Variants in NBAS observed in about 807,000 individuals in gnomAD.
The protein encoded by NBAS is NBAS subunit of NRZ tethering complex.
NBAS carries 219 observed loss-of-function variants against 302.5 expected under a neutral mutation model. The ratio of observed to expected loss-of-function variants is 0.72; its 90% confidence interval spans 0.65 to 0.81. The LOEUF (loss-of-function observed/expected upper bound fraction) is 0.81. NBAS is among the 30% of genes least tolerant of loss of function. The pLI, the probability that NBAS is intolerant of heterozygous loss-of-function variation, is 0.00. For synonymous variants in NBAS, 1,118 were observed against 1,021.6 expected (o/e 1.09, Z -1.80); for missense variants, 2,932 against 2,841.6 (o/e 1.03, Z -0.72).
intron 35 of NBAS, among the ~76,000 whole-genome samples, chr2:15,344,993 T>C (rs567022009): frequency 6.6e-6 from 1 of 151,666 alleles, no homozygotes; most frequent in African/African-American, 2.4e-5. Context: ...AATAAATTAT[T>C]AATGGAACAT....
At chr2:15,368,842 C>G (rs888519678) in intron 31 of NBAS, among the ~76,000 whole-genome samples, 2 of 152,164 alleles carry the variant, frequency 1.3e-5, no homozygotes, top group African/African-American at 4.8e-5. Context: ...TCTACTGTGA[C>G]AAGACCGTGT....
At chr2:15,089,645 C>T in the NBAS span, among the ~76,000 whole-genome samples, 2 of 151,958 alleles carry the variant, frequency 1.3e-5, no homozygotes, top group Non-Finnish European at 2.9e-5. Context: ...CCAGAAATAC[C>T]TGCCCAGTGT....
the NBAS span, among the ~76,000 whole-genome samples, chr2:14,883,660 G>A: frequency 6.6e-6 from 1 of 152,110 alleles, no homozygotes; most frequent in Non-Finnish European, 1.5e-5. Flanking sequence ...CTCTCTAGAG[G>A]TGTCTACCCT....
intron 6 of NBAS, among the ~76,000 whole-genome samples, chr2:15,545,638 C>T (rs1027107586): frequency 3.9e-5 from 6 of 152,120 alleles, no homozygotes; most frequent in Non-Finnish European, 7.3e-5. Context: ...TAACTAAACT[C>T]AAGATTTAAA....
the NBAS span, among the ~76,000 whole-genome samples, chr2:15,023,762 T>C: frequency 6.6e-6 from 1 of 151,596 alleles, no homozygotes; most frequent in Non-Finnish European, 1.5e-5. Flanking sequence ...ATTTTCTTAA[T>C]GGTTGTTTGC....
rs1572894944 is a variant in NBAS, at chr2:15,468,619, T to C, written c.1726-86A>G. The C allele has an allele frequency of 4.1e-5, 60 of 1,457,508 alleles. No individual in the cohort carries two copies. In the East Asian group the frequency reaches 1.4e-3, roughly 33 times the overall value. The allele number at this position is 1,457,508 out of a possible 1,614,324, so 90.3% of individuals were successfully genotyped here. A position where few individuals can be genotyped will look rare whatever the true frequency, so the allele number is the denominator to read the frequency against. Reference sequence around the variant, plus strand: ...AACTGCCTTCAGAATTGTAAAGCTATACCTGATGTATTACAGCTATTTAGG... The same window carrying C: ...AACTGCCTTCAGAATTGTAAAGCTACACCTGATGTATTACAGCTATTTAGG... On this transcript the variant is annotated intron_variant, in intron 16 of 51. Transcript: ENST00000281513.
chr2:15,525,220 T>G (rs1662862984), intron 9 of NBAS, among the ~76,000 whole-genome samples: 1 of 152,212 alleles, frequency 6.6e-6, no homozygotes, highest in South Asian at 2.1e-4. Context: ...GGCTGTTGCC[T>G]GCCAGGTATC....
At position 15,167,312 on chromosome 2, in the gene NBAS, G is replaced by A. The variant is rs573205433; in HGVS notation, c.6852C>T (p.Ser2284=). 5.0e-6 allele frequency: 8 copies of A among 1,614,176 alleles called. No individual in the cohort carries two copies. Among genetic ancestry groups the A allele is most frequent in the Non-Finnish European group, 6.8e-6 (8 of 1,180,034 alleles). The part of the protein sequence containing the change: ...QITAVTTVND[S]NCDQELLSLL... ...GGGAAAGAAGTTCTTGGTCACAATT[G>A]GAATCATTCACCTTCAAGAAATAAG... is the stretch of plus-strand genomic sequence containing the variant. The change falls in exon 52 of 52, where the codon TCC becomes TCT. Residue 2284 remains serine (S), a synonymous_variant. Coordinates refer to ENST00000281513, the MANE Select transcript of NBAS (RefSeq NM_015909.4).
rs142102256 is a variant in NBAS at position 15,403,494 on chromosome 2, A to G, written c.2938-1193T>C. Among the ~76,000 whole-genome samples, 246 of 152,298 alleles carry G rather than the reference A, an allele frequency of 1.6e-3. 2 individuals are homozygous for G. Among genetic ancestry groups the G allele is most frequent in the African/African-American group, 5.0e-3 (207 of 41,548 alleles). The stretch of plus-strand genomic sequence containing the variant: ...TTCTTGTCATTATTCCCTAAACAAT[A>G]TAGTATAAAAACTATTTACATAACA... On this transcript the variant is annotated intron_variant, in intron 25 of 51. Transcript: ENST00000281513.
chr2:15,150,066 CA>C, the NBAS span, among the ~76,000 whole-genome samples: 3,949 of 64,172 alleles, frequency 0.062, 99 homozygotes, highest in African/African-American at 0.15. Context: ...AACCCTGTCT[CA>C]AAAAAAAAAA....
At chr2:14,860,501 T>C in the NBAS span, among the ~76,000 whole-genome samples, 1 of 152,208 alleles carries the variant, frequency 6.6e-6, no homozygotes, top group South Asian at 2.1e-4. Context: ...TTCTCATCCA[T>C]AAAAATGAAT....
the NBAS span, among the ~76,000 whole-genome samples, chr2:15,109,910 GTGTTTATTGTCCATTCAA>G: frequency 6.6e-6 from 1 of 152,076 alleles, no homozygotes; most frequent in African/African-American, 2.4e-5. Flanking sequence ...TATGTTAGTA[GTGTTTATTGTCCATTCAA>G]TGTTTATTGT....
the NBAS span, among the ~76,000 whole-genome samples, chr2:14,921,919 A>G: frequency 6.6e-6 from 1 of 152,054 alleles, no homozygotes; most frequent in Non-Finnish European, 1.5e-5. Context: ...CCATCCCCAC[A>G]CCCTTTTCAA....
chr2:15,508,380 C>T (rs941818631), intron 10 of NBAS, among the ~76,000 whole-genome samples: 1 of 152,096 alleles, frequency 6.6e-6, no homozygotes, highest in Non-Finnish European at 1.5e-5. Context: ...AAAAAGGTTC[C>T]CTGGTATGTG....
chr2:15,541,453 G>A (rs1376990210), intron 6 of NBAS, among the ~76,000 whole-genome samples: 1 of 152,126 alleles, frequency 6.6e-6, no homozygotes, highest in Non-Finnish European at 1.5e-5. Context: ...AAGAAATAAT[G>A]TGTAGAGTTC....
chr2:15,504,227 G>T lies in NBAS; in HGVS notation c.886-14C>A. ...TGTCTTCGGTACCTGCAAAATAAAT[G>T]CATCATATGAAGAAAGATTACTGAA... On this transcript the variant is annotated splice_polypyrimidine_tract_variant and intron_variant, in intron 10 of 51. Coordinates refer to ENST00000281513, the MANE Select transcript of NBAS (RefSeq NM_015909.4). The T allele has an allele frequency of 6.3e-7, 1 of 1,591,466 alleles. No homozygotes were observed. The highest frequency in any genetic ancestry group is 8.6e-7 in the Non-Finnish European group (1 of 1,159,654).
chr2:14,902,586 G>A, the NBAS span, among the ~76,000 whole-genome samples: 1 of 152,164 alleles, frequency 6.6e-6, no homozygotes, highest in Non-Finnish European at 1.5e-5. Context: ...CCAGGGAGAT[G>A]GTCTGAAGCA....
the NBAS span, among the ~76,000 whole-genome samples, chr2:15,140,989 G>A: frequency 6.6e-6 from 1 of 152,202 alleles, no homozygotes; most frequent in Non-Finnish European, 1.5e-5. Flanking sequence ...ATAGGATACA[G>A]TATTTAGTAA....
chr2:15,074,191 T>C, the NBAS span, among the ~76,000 whole-genome samples: 10 of 152,182 alleles, frequency 6.6e-5, no homozygotes, highest in African/African-American at 2.2e-4. Context: ...GGAAATGTTT[T>C]AAACCAATAC....
Sources: allele counts gnomAD v4.1 joint callset (sites outside exome capture counted in the v4.1 genomes callset), GRCh38; gene constraint gnomAD v4.1.1; transcripts MANE v1.5; gene names NCBI Gene and HGNC (gene_info 2026-07-23, HGNC 2026-07-21).